NCOR1: variants seen among roughly 807,000 people sequenced by gnomAD.
The protein encoded by NCOR1 is protein phosphatase 1, regulatory subunit 109.
NCOR1 carries 63 observed loss-of-function variants against 288.1 expected under a neutral mutation model. That is an observed-to-expected ratio of 0.22 (90% CI 0.18 to 0.27). The LOEUF (loss-of-function observed/expected upper bound fraction) is 0.27, where lower values mean the gene tolerates loss of function less well. Among genes scored for constraint, NCOR1 ranks in the 10% least tolerant of loss-of-function variants. NCOR1 has a pLI of 1.00. For missense variants in NCOR1, 2,397 were observed against 3,019.2 expected (o/e 0.79, Z 4.83); for synonymous variants, 1,007 against 1,065.9 (o/e 0.94, Z 1.08).
intron 42 of NCOR1, chr17:16,044,558 C>T (rs1194327526): frequency 2.0e-6 from 1 of 509,430 alleles, no homozygotes; most frequent in Non-Finnish European, 4.0e-6. Context: ...TGGGATGAGG[C>T]CCTCACTTCA....
intron 21 of NCOR1, among the ~76,000 whole-genome samples, chr17:16,093,311 C>G (rs2065744470): frequency 6.6e-6 from 1 of 152,210 alleles, no homozygotes; most frequent in Non-Finnish European, 1.5e-5. Context: ...TTCACATAGC[C>G]ATTCCCTTAG....
In NCOR1 at chr17:16,039,574, T is replaced by C. The variant is rs749587059; in HGVS notation, c.6814A>G (p.Met2272Val). 9 of 1,614,138 alleles carry C rather than the reference T, an allele frequency of 5.6e-6. No individual in the cohort carries two copies. The highest frequency in any genetic ancestry group is 1.1e-5 in the South Asian group (1 of 91,078). The change falls in exon 44 of 46, where the codon ATG becomes GTG. Residue 2272 changes from methionine (M) to valine (V), a missense_variant. Met to Val is a conservative substitution (Grantham distance 21, BLOSUM62 1). Around this residue, in one of 11 missense-constraint regions of NCOR1, gnomAD observed 1,872 missense variants for 2,187.8 expected, o/e 0.86. Transcript: ENST00000268712. ...TCAACTTTGTCATCAAAGCTTCCCA[T>C]GAGAGCCTTCCTGATAATGTCTTCC... is the stretch of plus-strand genomic sequence containing the variant. ...GLEDIIRKAL[M>V]GSFDDKVEDH...
intron 41 of NCOR1, among the ~76,000 whole-genome samples, chr17:16,047,912 G>A (rs192572928): frequency 1.4e-4 from 21 of 152,298 alleles, no homozygotes; most frequent in African/African-American, 4.6e-4. Context: ...ACTCATAAAC[G>A]TAGGGGAAAG....
chr17:16,179,520 G>A (rs983801535), intron 3 of NCOR1, among the ~76,000 whole-genome samples: 6 of 152,142 alleles, frequency 3.9e-5, no homozygotes, highest in African/African-American at 1.4e-4. Flanking sequence ...AGGCTTCATG[G>A]CAGAATTCTA....
intron 7 of NCOR1, among the ~76,000 whole-genome samples, chr17:16,153,035 C>T (rs909881725): frequency 6.6e-6 from 1 of 152,042 alleles, no homozygotes; most frequent in Non-Finnish European, 1.5e-5. Context: ...GGAGTATTAA[C>T]CATTGTCACT....
At chr17:16,195,288 T>C (rs780059929) in intron 1 of NCOR1, among the ~76,000 whole-genome samples, 2 of 152,104 alleles carry the variant, frequency 1.3e-5, no homozygotes, top group Non-Finnish European at 2.9e-5. Context: ...CTGGCCAACA[T>C]GGTGAAACTT....
chr17:16,064,018 AG>A, intron 35 of NCOR1, 49 bp downstream of exon 35: 1 of 1,604,410 alleles, frequency 6.2e-7, no homozygotes, highest in Non-Finnish European at 8.5e-7. Context: ...ACAGTGTACA[AG>A]ATTACTAAGA....
Position 16,064,978 on chromosome 17 carries a change from G to T in NCOR1, c.4993C>A (p.Pro1665Thr). Residue 1665 changes from proline to threonine, a missense_variant, in exon 34 of 46, where the codon CCT (proline) becomes ACT (threonine). By Grantham distance (38) the Pro-to-Thr change is conservative. Around this residue, in one of 11 missense-constraint regions of NCOR1, gnomAD observed 1,872 missense variants for 2,187.8 expected, o/e 0.86. Coordinates refer to ENST00000268712, the MANE Select transcript of NCOR1 (RefSeq NM_006311.4). Reference protein sequence around the residue: ...LTNMPPTILVPHPGGTSTPPM... With the variant: ...LTNMPPTILVTHPGGTSTPPM... ...GGAGTGCTTGTTCCCCCTGGATGAG[G>T]CACTAAAATTGTTGGAGGCATATTG... 1.9e-6 allele frequency: 3 copies of T among 1,613,890 alleles called. No individual in the cohort carries two copies. The highest frequency in any genetic ancestry group is 2.5e-6 in the Non-Finnish European group (3 of 1,179,816).
In NCOR1 at chr17:16,182,806, C is replaced by T. The variant is rs190976055; in HGVS notation, c.242+3748G>A. ...ATATATGAAAGTGATCAGTAAAATG[C>T]TATTAAGAATAAACATATTAGCAAA... is the stretch of plus-strand genomic sequence containing the variant. On this transcript the variant is annotated intron_variant, in intron 3 of 45. Coordinates refer to ENST00000268712, the MANE Select transcript of NCOR1 (RefSeq NM_006311.4). 1.3e-4 allele frequency among the ~76,000 whole-genome samples: 20 copies of T among 151,536 alleles called. No homozygotes were observed. The East Asian group carries it at 3.5e-3, about 27-fold the overall frequency.
chr17:16,134,940 A>G (rs2076170459), intron 14 of NCOR1, among the ~76,000 whole-genome samples: 1 of 152,164 alleles, frequency 6.6e-6, no homozygotes, highest in Non-Finnish European at 1.5e-5. Context: ...CGGGCAGATC[A>G]CGAGGTCAGG....
chr17:16,215,016 C>A (rs968696914), intron 1 of NCOR1, among the ~76,000 whole-genome samples: 1 of 152,250 alleles, frequency 6.6e-6, no homozygotes, highest in East Asian at 1.9e-4. Context: ...CCGGCCCCAC[C>A]CGGGGCACCG....
rs757211061 is a variant in NCOR1 at position 16,047,023 on chromosome 17, G to A, written c.6607C>T (p.Pro2203Ser). The A allele has an allele frequency of 5.6e-6, 9 of 1,613,894 alleles. No homozygotes were observed. Among genetic ancestry groups the A allele is most frequent in the Non-Finnish European group, 7.6e-6 (9 of 1,179,964 alleles). The change falls in exon 42 of 46, where the codon CCC becomes TCC. Residue 2203 changes from proline (P) to serine (S), a missense_variant. Physicochemically the swap from Pro to Ser is moderately conservative, Grantham distance 74. Transcript: ENST00000268712. ...SFFTKLENTS[P>S]MVKSKKQEIF... ...TCCTGCTTCTTTGATTTAACCATGGGTGATGTATTTTCAAGCTTGGTGAAG... is the reference window on the plus strand; with the variant it reads ...TCCTGCTTCTTTGATTTAACCATGGATGATGTATTTTCAAGCTTGGTGAAG...
intron 9 of NCOR1, among the ~76,000 whole-genome samples, chr17:16,147,624 G>C (rs888767528): frequency 1.3e-5 from 2 of 152,044 alleles, no homozygotes; most frequent in Non-Finnish European, 2.9e-5. Context: ...TAAGAAAGTG[G>C]CATTGGAGAA....
Position 16,061,414 on chromosome 17 carries a change from G to A in NCOR1, c.5868C>T (p.Asp1956=), listed in dbSNP as rs745886015. ...TGAGATACATACAGCTACTAGAAGA[G>A]TCTGAACTTTGAGAGCCACGTTCCC... ...DARERGSQSS[D]SSSSLSSHRY... is the part of the protein sequence containing the mutation. Residue 1956 remains aspartate, a synonymous_variant, in exon 37 of 46, where the codon GAC becomes GAT. Coordinates refer to ENST00000268712, the MANE Select transcript of NCOR1 (RefSeq NM_006311.4). 1 of 1,614,110 alleles carries A rather than the reference G, an allele frequency of 6.2e-7. No individual in the cohort carries two copies. The highest frequency in any genetic ancestry group is 1.1e-5 in the South Asian group (1 of 91,068).
intron 18 of NCOR1, among the ~76,000 whole-genome samples, chr17:16,110,784 A>G (rs983878308): frequency 6.6e-6 from 1 of 152,246 alleles, no homozygotes; most frequent in African/African-American, 2.4e-5. Context: ...CAACTAAAAT[A>G]TTAATTAACT....
intron 1 of NCOR1, chr17:16,198,811 A>G (rs1361343710): frequency 2.0e-5 from 3 of 152,136 alleles, no homozygotes; most frequent in Admixed American, 2.0e-4. Context: ...TGCTGTCCTA[A>G]AACATGCTTT....
At chr17:16,168,656 T>G (rs1380098985) in intron 4 of NCOR1, among the ~76,000 whole-genome samples, 1 of 151,998 alleles carries the variant, frequency 6.6e-6, no homozygotes, top group Non-Finnish European at 1.5e-5. Context: ...TAAGTAAGAA[T>G]GTATACAAAA....
At chr17:16,210,013 T>C (rs2091966885) in intron 1 of NCOR1, among the ~76,000 whole-genome samples, 1 of 151,868 alleles carries the variant, frequency 6.6e-6, no homozygotes, top group Non-Finnish European at 1.5e-5. Context: ...ACAATTGAAA[T>C]CCTTCATACT....
intron 22 of NCOR1, among the ~76,000 whole-genome samples, chr17:16,088,682 AT>A (rs2064647177): frequency 6.6e-6 from 1 of 152,188 alleles, no homozygotes; most frequent in African/African-American, 2.4e-5. Context: ...TACATACAAT[AT>A]CTATTTAGCC....
Sources: gnomAD v4.1 joint callset for allele counts (sites outside exome capture counted in the v4.1 genomes callset) on GRCh38, gnomAD v4.1.1 for gene constraint, gnomAD v4.1.1 regional missense constraint, MANE v1.5 for transcripts, NCBI Gene and HGNC (gene_info 2026-07-23, HGNC 2026-07-21) for gene names.